The following KIAA1217 variants were observed in gnomAD, a reference collection of about 807,000 sequenced individuals.
The protein encoded by KIAA1217 is sickle tail protein homolog.
In KIAA1217, 88 loss-of-function variants were observed where a neutral mutation model predicts 163.9. The observed-to-expected ratio is 0.54, with a 90% CI of 0.45 to 0.64. The LOEUF (loss-of-function observed/expected upper bound fraction) is 0.64, where lower values mean the gene tolerates loss of function less well. KIAA1217 is among the 30% of genes least tolerant of loss of function. The pLI, the probability that KIAA1217 is intolerant of heterozygous loss-of-function variation, is 0.00. For synonymous variants in KIAA1217, 903 were observed against 923.1 expected, an observed-to-expected ratio of 0.98 and a Z score of 0.39; for missense variants, 2,372 against 2,475.0, an observed-to-expected ratio of 0.96 and a Z score of 0.88.
At chr10:23,746,085 G>A (rs1050916671) in intron 1 of KIAA1217, among the ~76,000 whole-genome samples, 16 of 152,184 alleles carry the variant, frequency 1.1e-4, no homozygotes, top group African/African-American at 3.9e-4. Flanking sequence ...AGTGTTGGAG[G>A]TGGAGCCTAA....
chr10:24,114,514 C>A (rs2062976960), intron 2 of KIAA1217, among the ~76,000 whole-genome samples: 1 of 152,186 alleles, frequency 6.6e-6, no homozygotes. Flanking sequence ...AGACAGCTGG[C>A]AGAATCATGT....
intron 3 of KIAA1217, among the ~76,000 whole-genome samples, chr10:24,400,962 TACACACACACACAC>T (rs375697958): frequency 1.3e-4 from 15 of 117,112 alleles, no homozygotes; most frequent in Non-Finnish European, 1.8e-4. Flanking sequence ...GCAAGAAACA[TACACACACACACAC>T]ACACACACAC....
At chr10:24,404,587 A>C (rs895109008) in intron 3 of KIAA1217, among the ~76,000 whole-genome samples, 5 of 150,958 alleles carry the variant, frequency 3.3e-5, no homozygotes, top group East Asian at 3.9e-4. Flanking sequence ...AAAAAAAAAA[A>C]AAAAAACTGA....
upstream of KIAA1217, among the ~76,000 whole-genome samples, chr10:24,203,919 G>A (rs915861708): frequency 5.3e-5 from 8 of 152,182 alleles, no homozygotes; most frequent in East Asian, 1.9e-4. Context: ...CTTTCAAGAC[G>A]GTATGCTGCA....
intron 1 of KIAA1217, among the ~76,000 whole-genome samples, chr10:23,875,966 T>G (rs1347153444): frequency 1.3e-5 from 2 of 149,210 alleles, no homozygotes; most frequent in African/African-American, 2.5e-5. Context: ...GGGGGCTGGG[T>G]GAGGGATAGC....
intron 2 of KIAA1217, among the ~76,000 whole-genome samples, chr10:24,059,082 T>C (rs2060626141): frequency 6.6e-6 from 1 of 152,216 alleles, no homozygotes; most frequent in African/African-American, 2.4e-5. Flanking sequence ...TGAGAGTTTT[T>C]ATCATGAAGG....
intron 2 of KIAA1217, among the ~76,000 whole-genome samples, chr10:24,074,410 C>A (rs190355768): frequency 2.0e-5 from 3 of 152,036 alleles, no homozygotes; most frequent in Non-Finnish European, 4.4e-5. Flanking sequence ...TTAAAACGTG[C>A]TTTTGGTGTT....
At chr10:24,346,341 G>A (rs1283151290) in intron 2 of KIAA1217, among the ~76,000 whole-genome samples, 10 of 151,580 alleles carry the variant, frequency 6.6e-5, no homozygotes, top group South Asian at 6.3e-4. Context: ...GCATGGTGGC[G>A]GGCACCTGCA....
intron 2 of KIAA1217, among the ~76,000 whole-genome samples, chr10:24,227,304 T>A (rs552629935): frequency 6.2e-4 from 87 of 139,890 alleles, no homozygotes; most frequent in African/African-American, 2.2e-3. Flanking sequence ...ATTACAGGGG[T>A]CCGCCACCAC....
intron 2 of KIAA1217, among the ~76,000 whole-genome samples, chr10:24,349,846 C>T (rs2048237826): frequency 6.6e-6 from 1 of 152,142 alleles, no homozygotes; most frequent in Non-Finnish European, 1.5e-5. Context: ...CATGTATAAT[C>T]ATGGTCAGCA....
At chr10:23,701,141 G>A (rs1836423704) in intron 1 of KIAA1217, among the ~76,000 whole-genome samples, 1 of 152,076 alleles carries the variant, frequency 6.6e-6, no homozygotes, top group South Asian at 2.1e-4. Flanking sequence ...TTATTATTAT[G>A]GTGTCATCTC....
At chr10:24,020,550 C>T (rs1034927189) in intron 2 of KIAA1217, among the ~76,000 whole-genome samples, 3 of 151,946 alleles carry the variant, frequency 2.0e-5, no homozygotes, top group East Asian at 1.9e-4. Flanking sequence ...TTCAGAGAGA[C>T]CACAGAAAAG....
intron 2 of KIAA1217, among the ~76,000 whole-genome samples, chr10:24,373,372 G>A (rs2051977065): frequency 6.6e-6 from 1 of 150,604 alleles, no homozygotes; most frequent in African/African-American, 2.5e-5. Context: ...CCTTCTGGAG[G>A]TAAGTCCAGA....
At chr10:24,400,306 A>G (rs1169424585) in intron 3 of KIAA1217, among the ~76,000 whole-genome samples, 2 of 152,226 alleles carry the variant, frequency 1.3e-5, no homozygotes, top group East Asian at 3.9e-4. Context: ...AGGATAGGCT[A>G]GTTAATGCTG....
intron 14 of KIAA1217, among the ~76,000 whole-genome samples, chr10:24,528,320 TTG>T (rs1564870176): frequency 7.0e-6 from 1 of 142,530 alleles, no homozygotes; most frequent in Non-Finnish European, 1.5e-5. Context: ...TTTTTTTTTT[TTG>T]TTTTTTTTTT....
At position 24,209,309 on chromosome 10, in the gene KIAA1217, C is replaced by A. The variant is rs758625850; in HGVS notation, c.70+46C>A. 5.6e-6 allele frequency: 8 copies of A among 1,440,484 alleles called. No homozygotes were observed. In the South Asian group the frequency reaches 9.4e-5, roughly 17 times the overall value. 89.2% of individuals were successfully genotyped at this position (1,440,484 alleles called of 1,614,324 possible). ...AAGATGGAGTTACAGGGACGCGTGCCCCTTGCCGCTTGCTGCTTTTTATAA... is the reference window on the plus strand; with the variant it reads ...AAGATGGAGTTACAGGGACGCGTGCACCTTGCCGCTTGCTGCTTTTTATAA... On this transcript the variant is annotated intron_variant, in intron 1 of 20. Coordinates refer to ENST00000376454, the MANE Select transcript of KIAA1217 (RefSeq NM_019590.5).
chr10:24,220,897 T>C (rs1184065480), intron 2 of KIAA1217, among the ~76,000 whole-genome samples: 2 of 151,678 alleles, frequency 1.3e-5, no homozygotes, highest in Non-Finnish European at 2.9e-5. Flanking sequence ...TAGCTAGGAC[T>C]ACAGACATGC....
chr10:23,795,867 C>A (rs1250297867), intron 1 of KIAA1217, among the ~76,000 whole-genome samples: 2 of 152,198 alleles, frequency 1.3e-5, no homozygotes, highest in African/African-American at 4.8e-5. Context: ...AAGATGTTAT[C>A]TTTTAGTTTC....
At chr10:23,934,610 TATATATATATATA>T (rs1564545858) in intron 1 of KIAA1217, among the ~76,000 whole-genome samples, 1 of 81,282 alleles carries the variant, frequency 1.2e-5, no homozygotes, top group African/African-American at 1.1e-4. Context: ...TATATATGTA[TATATATATATATA>T]TATTTTTTTT....
Sources: gnomAD v4.1 joint callset for allele counts (sites outside exome capture counted in the v4.1 genomes callset) on GRCh38, gnomAD v4.1.1 for gene constraint, MANE v1.5 for transcripts, NCBI Gene and HGNC (gene_info 2026-07-23, HGNC 2026-07-21) for gene names.